GID4: variants seen among roughly 807,000 people sequenced by gnomAD.
The protein encoded by GID4 is glucose-induced degradation protein 4 homolog.
In GID4, 7 loss-of-function variants were observed where a neutral mutation model predicts 32.4. The ratio of observed to expected loss-of-function variants is 0.22; its 90% CI spans 0.12 to 0.41. GID4 has a LOEUF of 0.41. GID4 is among the 10% of genes least tolerant of loss of function. The pLI, the probability that GID4 is intolerant of heterozygous loss-of-function variation, is 1.00. For synonymous variants in GID4, 166 were observed against 170.0 expected, an observed-to-expected ratio of 0.98 and a Z score of 0.18; for missense variants, 309 against 400.0, an observed-to-expected ratio of 0.77 and a Z score of 1.94.
chr17:18,041,329 A>G (rs1262045647), intron 1 of GID4, among the ~76,000 whole-genome samples: 2 of 152,186 alleles, frequency 1.3e-5, no homozygotes, highest in Middle Eastern at 3.2e-3. Context: ...CCAAAAGACA[A>G]TGAGGGTGCC....
chr17:18,045,072 T>G, intron 1 of GID4, 75 bp from the exon 2 acceptor site: 1 of 1,172,540 alleles, frequency 8.5e-7, no homozygotes, highest in Non-Finnish European at 1.3e-6. Flanking sequence ...CCTCACAGGA[T>G]TTGCAGAGTA....
intron 2 of GID4, among the ~76,000 whole-genome samples, chr17:18,047,362 C>T (rs533766275): frequency 3.3e-5 from 5 of 152,328 alleles, no homozygotes; most frequent in Non-Finnish European, 7.3e-5. Context: ...AGGAAACCAG[C>T]AAGTGTGTAA....
At position 18,065,239 on chromosome 17, in the gene GID4, G is replaced by A. The variant is rs2045050375; in HGVS notation, c.899G>A (p.Arg300Gln). 1 of 1,612,650 alleles carries A rather than the reference G, an allele frequency of 6.2e-7. No homozygotes were observed. Among genetic ancestry groups the A allele is most frequent in the South Asian group, 1.1e-5 (1 of 91,044 alleles). Residue 300 changes from arginine (R) to glutamine (Q), a missense_variant, in exon 6 of 6, where the codon CGG becomes CAG. Around this residue, in one of 2 missense-constraint regions of GID4, gnomAD observed 116 missense variants for 214.2 expected, o/e 0.54. Coordinates refer to ENST00000268719, the MANE Select transcript of GID4 (RefSeq NM_024052.5). ...PEHSAPIYEF[R>Q] ...CACAGTGCACCCATCTATGAATTCC[G>A]GTGACAACGGTTCAGAACAGCAACC...
intron 2 of GID4, among the ~76,000 whole-genome samples, chr17:18,049,331 G>C (rs1337766241): frequency 7.5e-6 from 1 of 132,528 alleles, no homozygotes; most frequent in Non-Finnish European, 1.6e-5. Flanking sequence ...GTGAGACTTC[G>C]TGTCAAAAAA....
At chr17:18,062,567 C>A (rs2045025739) in intron 5 of GID4, among the ~76,000 whole-genome samples, 1 of 152,178 alleles carries the variant, frequency 6.6e-6, no homozygotes, top group African/African-American at 2.4e-5. Context: ...GAGGGCAAAC[C>A]ATGTGATAAA....
At chr17:18,043,200 A>G (rs2044820183) in intron 1 of GID4, among the ~76,000 whole-genome samples, 2 of 152,182 alleles carry the variant, frequency 1.3e-5, no homozygotes, top group Admixed American at 6.5e-5. Context: ...GTTTGGTAAA[A>G]GCTGTATGCG....
chr17:18,062,137 A>G (rs2045022698), intron 5 of GID4, 162 bp downstream of exon 5: 3 of 651,642 alleles, frequency 4.6e-6, no homozygotes, highest in Non-Finnish European at 8.1e-6. Flanking sequence ...GTTGCTCACA[A>G]TAAGGCCTTA....
chr17:18,040,319 T>C lies in GID4; in HGVS notation c.438+417T>C, dbSNP rs184021745. ...TTCACCAGACTTGGGACCCTCCCCA[T>C]GTCTGGGCCCACGTCAGATTCTCTC... On this transcript the variant is annotated intron_variant, in intron 1 of 5. Coordinates refer to ENST00000268719, the MANE Select transcript of GID4 (RefSeq NM_024052.5). 6.6e-5 allele frequency among the ~76,000 whole-genome samples: 10 copies of C among 152,304 alleles called. No individual in the cohort carries two copies. The East Asian group carries it at 1.2e-3, about 18-fold the overall frequency.
chr17:18,051,850 G>A (rs2044912984), intron 2 of GID4, among the ~76,000 whole-genome samples: 1 of 152,096 alleles, frequency 6.6e-6, no homozygotes, highest in Non-Finnish European at 1.5e-5. Flanking sequence ...CGAGGCGGGT[G>A]GATCATGAGG....
chr17:18,045,708 G>A (rs1321530202), intron 2 of GID4, among the ~76,000 whole-genome samples: 1 of 151,674 alleles, frequency 6.6e-6, no homozygotes, highest in Non-Finnish European at 1.5e-5. Flanking sequence ...GGCCAACATG[G>A]TGAAACCCCA....
chr17:18,056,675 T>C, intron 3 of GID4: 1 of 1,539,872 alleles, frequency 6.5e-7, no homozygotes, highest in Admixed American at 2.0e-5. Context: ...GGAAAGCAAC[T>C]CTTAATTTTC....
At chr17:18,047,196 A>G (rs2145554333) in intron 2 of GID4, among the ~76,000 whole-genome samples, 1 of 152,328 alleles carries the variant, frequency 6.6e-6, no homozygotes, top group East Asian at 1.9e-4. Context: ...CGAGAATTGT[A>G]TCAAATCAAG....
At chr17:18,040,750 C>T (rs1170300883) in intron 1 of GID4, among the ~76,000 whole-genome samples, 1 of 152,170 alleles carries the variant, frequency 6.6e-6, no homozygotes, top group South Asian at 2.1e-4. Flanking sequence ...CCAGGGGACC[C>T]TCTTTCCTGT....
At chr17:18,055,457 C>T (rs1372037662) in intron 3 of GID4, among the ~76,000 whole-genome samples, 1 of 152,040 alleles carries the variant, frequency 6.6e-6, no homozygotes, top group Non-Finnish European at 1.5e-5. Flanking sequence ...AGTTGCTTTG[C>T]TTACTAATGT....
chr17:18,039,990 G>A lies in GID4; in HGVS notation c.438+88G>A, dbSNP rs1181701787. On this transcript the variant is annotated intron_variant, in intron 1 of 5. Transcript: ENST00000268719. This position sits in a 1 kb window ranked among gnomAD's most constrained non-coding sequence, Gnocchi z 5.3. ...TTCGGCTCCTCGACCCCGCAGCCGC[G>A]GAACAGGCCCTCGCCGCCGGGGCCT... 1.6e-6 allele frequency: 2 copies of A among 1,261,574 alleles called. No homozygotes were observed. The highest frequency in any genetic ancestry group is 3.3e-5 in the South Asian group (1 of 30,684). The allele number at this position is 1,261,574 out of a possible 1,614,324, so 78.1% of individuals were successfully genotyped here.
At chr17:18,056,570 C>CGAA in intron 3 of GID4, 1 of 813,728 alleles carries the variant, frequency 1.2e-6, no homozygotes, top group Non-Finnish European at 1.9e-6. Context: ...CCATTCAACT[C>CGAA]TATTTTCCAT....
intron 1 of GID4, among the ~76,000 whole-genome samples, chr17:18,042,704 A>G (rs751207137): frequency 2.6e-5 from 4 of 152,212 alleles, no homozygotes. Flanking sequence ...TCACATGGTA[A>G]CTGGGTTTTA....
intron 3 of GID4, among the ~76,000 whole-genome samples, chr17:18,058,384 T>G (rs561035175): frequency 6.6e-6 from 1 of 152,296 alleles, no homozygotes; most frequent in African/African-American, 2.4e-5. Flanking sequence ...GGCTATCATG[T>G]GTTTCTAGTG....
chr17:18,055,065 G>A (rs2044952366), intron 3 of GID4, among the ~76,000 whole-genome samples: 1 of 151,946 alleles, frequency 6.6e-6, no homozygotes, highest in African/African-American at 2.4e-5. Context: ...CAGCTACTCT[G>A]GAGGCTGAGG....
Sources: allele counts gnomAD v4.1 joint callset (sites outside exome capture counted in the v4.1 genomes callset), GRCh38; gene constraint gnomAD v4.1.1; regional missense constraint gnomAD v4.1.1; non-coding constraint Gnocchi (gnomAD v3.1); transcripts MANE v1.5; gene names NCBI Gene and HGNC (gene_info 2026-07-23, HGNC 2026-07-21).